ANO4: variants seen among roughly 807,000 people sequenced by gnomAD.
ANO4 encodes the protein anoctamin-4.
ANO4 carries 69 observed loss-of-function variants against 141.9 expected under a neutral mutation model. The observed-to-expected ratio is 0.49, with a 90% confidence interval of 0.40 to 0.59. ANO4 has a LOEUF of 0.59. Among genes scored for constraint, ANO4 ranks in the 20% least tolerant of loss-of-function variants. The probability of loss-of-function intolerance (pLI) is 0.00; values close to 1 mark genes in which losing one functional copy is unlikely to be tolerated. For synonymous variants in ANO4, 350 were observed against 394.3 expected (o/e 0.89, Z 1.33); for missense variants, 894 against 1,162.2 (o/e 0.77, Z 3.36).
chr12:101,001,996 C>A (rs2045663546), intron 8 of ANO4, among the ~76,000 whole-genome samples: 1 of 152,148 alleles, frequency 6.6e-6, no homozygotes. Flanking sequence ...GTGATTTCAC[C>A]ACTGTGTGTT....
chr12:100,760,096 C>T (rs59968035), intron 3 of ANO4, among the ~76,000 whole-genome samples: 8,463 of 152,184 alleles, frequency 0.056, 705 homozygotes, highest in African/African-American at 0.18. Flanking sequence ...GCCATTCCCA[C>T]GCATTTCTTT....
chr12:100,765,980 T>C (rs976708899), intron 3 of ANO4, among the ~76,000 whole-genome samples: 6 of 152,094 alleles, frequency 3.9e-5, no homozygotes, highest in African/African-American at 1.4e-4. Flanking sequence ...AATTTATTCA[T>C]CCTATCTAAT....
At chr12:100,751,375 AC>A (rs1481774856) in intron 3 of ANO4, among the ~76,000 whole-genome samples, 1 of 152,098 alleles carries the variant, frequency 6.6e-6, no homozygotes, top group Non-Finnish European at 1.5e-5. Context: ...AGGTTTTCCA[AC>A]CCCCAGGAAC....
rs572245750 is a variant in ANO4 at position 101,068,925 on chromosome 12, C to A, written c.1313-10268C>A. 6.2e-6 allele frequency: 5 copies of A among 812,276 alleles called. No homozygotes were observed. In the Admixed American group the frequency reaches 6.9e-5, roughly 11 times the overall value. 50.3% of individuals were successfully genotyped at this position (812,276 alleles called of 1,614,324 possible). A position where few individuals can be genotyped will look rare whatever the true frequency, so the allele number is the denominator to read the frequency against. On this transcript the variant is annotated intron_variant, in intron 14 of 27. Coordinates refer to ENST00000392977, the MANE Select transcript of ANO4 (RefSeq NM_001286615.2). Reference sequence around the variant, plus strand: ...TCCTCCGATACTACATGCTCAACATCGAAGCTGCTAAGGATCTCTTACACA... The same window carrying A: ...TCCTCCGATACTACATGCTCAACATAGAAGCTGCTAAGGATCTCTTACACA...
intron 8 of ANO4, among the ~76,000 whole-genome samples, chr12:101,015,506 C>A (rs570183987): frequency 2.0e-5 from 3 of 152,160 alleles, no homozygotes; most frequent in Non-Finnish European, 1.5e-5. Flanking sequence ...ATCCTATCCC[C>A]CACTGATTAA....
intron 13 of ANO4, among the ~76,000 whole-genome samples, chr12:101,045,407 T>G (rs1269164524): frequency 1.3e-5 from 2 of 152,224 alleles, no homozygotes; most frequent in Admixed American, 1.3e-4. Flanking sequence ...GAATTTAACA[T>G]TTGGCCTTGC....
At chr12:100,929,965 A>G (rs1197914901) in intron 3 of ANO4, among the ~76,000 whole-genome samples, 2 of 151,946 alleles carry the variant, frequency 1.3e-5, no homozygotes, top group African/African-American at 4.8e-5. Context: ...CCTGTTTGCC[A>G]TTTCTGTGTC....
intron 10 of ANO4, among the ~76,000 whole-genome samples, chr12:101,037,827 T>C (rs1015171625): frequency 3.9e-5 from 6 of 152,224 alleles, no homozygotes; most frequent in Non-Finnish European, 7.3e-5. Context: ...GTGGTCACTA[T>C]ATGGCACAGA....
At chr12:100,915,702 T>G (rs891357224) in intron 2 of ANO4, among the ~76,000 whole-genome samples, 2 of 152,178 alleles carry the variant, frequency 1.3e-5, no homozygotes, top group Non-Finnish European at 1.5e-5. Flanking sequence ...CACCTAGATC[T>G]AACATGATGG....
chr12:101,046,097 C>T (rs763987344), intron 13 of ANO4, among the ~76,000 whole-genome samples: 5 of 152,266 alleles, frequency 3.3e-5, no homozygotes, highest in Non-Finnish European at 5.9e-5. Flanking sequence ...CAGCGTGCCC[C>T]AGGCACGACT....
At chr12:101,075,715 A>AT (rs1169067445) in intron 14 of ANO4, among the ~76,000 whole-genome samples, 1,075 of 29,928 alleles carry the variant, frequency 0.036, 13 homozygotes, top group African/African-American at 0.077. Flanking sequence ...TATATAAAAC[A>AT]AATATATATA....
In ANO4 at chr12:100,797,104, G is replaced by T. The variant is rs147652575; in HGVS notation, c.-141+2077G>T. Among the ~76,000 whole-genome samples, 326 of 150,454 alleles carry T rather than the reference G, an allele frequency of 2.2e-3. 2 individuals carry two copies. The highest frequency in any genetic ancestry group is 7.6e-3 in the African/African-American group (311 of 40,842). ...TATGCAATCAGAATTGTATATATAT[G>T]TGCAATTGTTTATATATATGTGTGT... On this transcript the variant is annotated intron_variant, in intron 1 of 27. Transcript: ENST00000392977.
intron 14 of ANO4, among the ~76,000 whole-genome samples, chr12:101,078,532 A>G (rs2049116227): frequency 6.6e-6 from 1 of 152,230 alleles, no homozygotes; most frequent in South Asian, 2.1e-4. Flanking sequence ...ATTTCTCTGC[A>G]TGGGGAGGCC....
chr12:100,852,134 A>C (rs1677078256), intron 1 of ANO4, among the ~76,000 whole-genome samples: 1 of 152,212 alleles, frequency 6.6e-6, no homozygotes, highest in South Asian at 2.1e-4. Context: ...GAGAAAGCAT[A>C]GATATCTAAA....
intron 14 of ANO4, among the ~76,000 whole-genome samples, chr12:101,059,617 A>G (rs1273795980): frequency 2.0e-5 from 3 of 152,184 alleles, no homozygotes; most frequent in South Asian, 2.1e-4. Flanking sequence ...GGGAGGGTGT[A>G]TGTGTCCAGG....
chr12:101,057,081 A>G (rs544986874), intron 14 of ANO4, among the ~76,000 whole-genome samples: 1 of 150,840 alleles, frequency 6.6e-6, no homozygotes, highest in South Asian at 2.1e-4. Context: ...TTCAACTCCC[A>G]CTTAGGAGTG....
intron 9 of ANO4, among the ~76,000 whole-genome samples, chr12:101,027,307 A>C (rs970130015): frequency 6.6e-6 from 1 of 152,072 alleles, no homozygotes; most frequent in Non-Finnish European, 1.5e-5. Context: ...ATTCTCAACA[A>C]CCTCTCAGCT....
In ANO4 at chr12:100,917,479, C is replaced by T. The variant is rs978578877; in HGVS notation, c.56-4747C>T. 8.5e-5 allele frequency among the ~76,000 whole-genome samples: 13 copies of T among 152,124 alleles called. 1 individual carries two copies. The highest frequency in any genetic ancestry group is 7.2e-4 in the Admixed American group (11 of 15,274). Reference sequence around the variant, plus strand: ...TTATAACAAAAAGCTATATGAATAACAATAAATAAATAAAATCAGTAGTAC... The same window carrying T: ...TTATAACAAAAAGCTATATGAATAATAATAAATAAATAAAATCAGTAGTAC... On this transcript the variant is annotated intron_variant, in intron 2 of 27. Coordinates refer to ENST00000392977, the MANE Select transcript of ANO4 (RefSeq NM_001286615.2).
At chr12:101,080,883 T>TATATAATATATA (rs1491584060) in intron 15 of ANO4, among the ~76,000 whole-genome samples, 1 of 74,072 alleles carries the variant, frequency 1.4e-5, no homozygotes, top group African/African-American at 3.9e-5. Context: ...TATATATATA[T>TATATAATATATA]TATATATATA....
Sources: allele counts gnomAD v4.1 joint callset (sites outside exome capture counted in the v4.1 genomes callset), GRCh38; gene constraint gnomAD v4.1.1; transcripts MANE v1.5; gene names NCBI Gene and HGNC (gene_info 2026-07-23, HGNC 2026-07-21).